CNTN5: variants seen among roughly 807,000 people sequenced by gnomAD.
CNTN5 encodes contactin 5, also known as contactin-5.
Under a neutral mutation model 129.1 loss-of-function variants are expected in CNTN5, and 77 were observed. The observed-to-expected ratio is 0.60, with a 90% CI of 0.50 to 0.72. The LOEUF (loss-of-function observed/expected upper bound fraction) is 0.72, where lower values mean the gene tolerates loss of function less well. Among genes scored for constraint, CNTN5 ranks in the 30% least tolerant of loss-of-function variants. CNTN5 has a pLI of 0.00. For missense variants in CNTN5, 1,478 were observed against 1,328.8 expected (o/e 1.11, Z -1.75); for synonymous variants, 509 against 465.6 (o/e 1.09, Z -1.20).
chr11:99,712,830 C>T (rs184762893), intron 3 of CNTN5, among the ~76,000 whole-genome samples: 192 of 151,722 alleles, frequency 1.3e-3, no homozygotes, highest in Non-Finnish European at 2.0e-3. Context: ...TCTGCTCCAT[C>T]GGTCTATATA....
At position 100,071,736 on chromosome 11, in the gene CNTN5, T is replaced by C. The variant is rs1591181042; in HGVS notation, c.1331T>C (p.Met444Thr). 1 of 1,597,198 alleles carries C rather than the reference T, an allele frequency of 6.3e-7. No individual in the cohort carries two copies. The change falls in exon 12 of 25, where the codon ATG becomes ACG. Residue 444 changes from methionine to threonine, a missense_variant. Physicochemically the swap from Met to Thr is moderately conservative, Grantham distance 81. Coordinates refer to ENST00000524871, the MANE Select transcript of CNTN5 (RefSeq NM_014361.4). ...SRVEMVNGVL[M>T]IHNVNQSDAG... ...GTTGAGATGGTTAATGGAGTATTGA[T>C]GATCCACAATGTGAATCAATCAGAT... is the stretch of plus-strand genomic sequence containing the variant.
intron 2 of CNTN5, among the ~76,000 whole-genome samples, chr11:99,337,720 C>G (rs970982610): frequency 6.6e-6 from 1 of 152,102 alleles, no homozygotes; most frequent in Non-Finnish European, 1.5e-5. Context: ...GGGGGGCTTG[C>G]TCCCAACAAA....
At chr11:99,404,250 A>T (rs1941968447) in intron 2 of CNTN5, among the ~76,000 whole-genome samples, 1 of 149,712 alleles carries the variant, frequency 6.7e-6, no homozygotes, top group Non-Finnish European at 1.5e-5. Flanking sequence ...GTGTGTATTT[A>T]TAAGTTAAGT....
chr11:99,449,568 G>A (rs938242119), intron 2 of CNTN5, among the ~76,000 whole-genome samples: 4 of 152,118 alleles, frequency 2.6e-5, no homozygotes, highest in African/African-American at 4.8e-5. Flanking sequence ...TTACTGCCTT[G>A]TAAAAATAAT....
chr11:100,315,424 T>A (rs1951556372), intron 21 of CNTN5, among the ~76,000 whole-genome samples: 1 of 152,162 alleles, frequency 6.6e-6, no homozygotes, highest in African/African-American at 2.4e-5. Context: ...TCATGGCAAT[T>A]AAGATGCTAA....
chr11:99,831,388 A>G (rs1947134270), intron 4 of CNTN5, among the ~76,000 whole-genome samples: 1 of 152,162 alleles, frequency 6.6e-6, no homozygotes, highest in Non-Finnish European at 1.5e-5. Context: ...GCAAAATTTC[A>G]TAGCTCAATT....
intron 2 of CNTN5, among the ~76,000 whole-genome samples, chr11:99,527,787 C>T (rs1233231137): frequency 1.3e-5 from 2 of 152,240 alleles, no homozygotes; most frequent in East Asian, 3.9e-4. Flanking sequence ...CTCACGAAGG[C>T]ATAAGGCAAA....
chr11:99,521,048 A>G (rs1360653919), intron 2 of CNTN5, among the ~76,000 whole-genome samples: 3 of 152,168 alleles, frequency 2.0e-5, no homozygotes, highest in African/African-American at 4.8e-5. Flanking sequence ...TATGATTAAA[A>G]TTTAGAAGAG....
At chr11:99,479,271 T>A (rs2135305359) in intron 2 of CNTN5, among the ~76,000 whole-genome samples, 1 of 151,918 alleles carries the variant, frequency 6.6e-6, no homozygotes, top group Non-Finnish European at 1.5e-5. Context: ...TCACACTTTT[T>A]TTTTTACTAT....
At chr11:100,195,170 T>G (rs1948603620) in intron 15 of CNTN5, among the ~76,000 whole-genome samples, 1 of 152,006 alleles carries the variant, frequency 6.6e-6, no homozygotes, top group Non-Finnish European at 1.5e-5. Context: ...AAATATCACA[T>G]TTTGATTAAA....
At chr11:99,233,956 A>C (rs1210694638) in intron 1 of CNTN5, among the ~76,000 whole-genome samples, 4 of 152,048 alleles carry the variant, frequency 2.6e-5, no homozygotes, top group Admixed American at 2.6e-4. Flanking sequence ...AAATAAATAA[A>C]TAAATAAATA....
intron 2 of CNTN5, among the ~76,000 whole-genome samples, chr11:99,401,427 C>A (rs1379120722): frequency 1.3e-5 from 2 of 152,012 alleles, no homozygotes; most frequent in Admixed American, 1.3e-4. Context: ...CTATTCTGTT[C>A]CATTGATGTA....
At chr11:99,333,422 C>T (rs1393956786) in intron 2 of CNTN5, among the ~76,000 whole-genome samples, 1 of 151,980 alleles carries the variant, frequency 6.6e-6, no homozygotes, top group East Asian at 1.9e-4. Context: ...TGGGGAAAAT[C>T]TGCAAGACTT....
chr11:100,178,498 G>A lies in CNTN5; in HGVS notation c.1581-12628G>A, dbSNP rs12805202. ...ACATAATTTTAACATTCTGCAATTC[G>A]CATGTGAACAATTAAATTGTTAGGA... On this transcript the variant is annotated intron_variant, in intron 13 of 24. Coordinates refer to ENST00000524871, the MANE Select transcript of CNTN5 (RefSeq NM_014361.4). Among the ~76,000 whole-genome samples, 738 of 152,164 alleles carry A rather than the reference G, an allele frequency of 4.9e-3. 2 individuals carry two copies. The highest frequency in any genetic ancestry group is 7.8e-3 in the Non-Finnish European group (532 of 68,008).
At chr11:100,191,757 C>T (rs73562459) in intron 14 of CNTN5, among the ~76,000 whole-genome samples, 6,263 of 151,838 alleles carry the variant, frequency 0.041, 435 homozygotes, top group African/African-American at 0.14. Flanking sequence ...TTTTATATGC[C>T]TTTATTTTAT....
chr11:99,684,627 A>G (rs1303926791), intron 3 of CNTN5, among the ~76,000 whole-genome samples: 2 of 151,898 alleles, frequency 1.3e-5, no homozygotes, highest in Non-Finnish European at 2.9e-5. Context: ...TAAAACTTTT[A>G]CATTCCCAGA....
At chr11:100,277,360 T>C (rs1353516047) in intron 18 of CNTN5, among the ~76,000 whole-genome samples, 1 of 152,156 alleles carries the variant, frequency 6.6e-6, no homozygotes, top group Non-Finnish European at 1.5e-5. Context: ...TGCTAGATCA[T>C]ATGGTAGCTC....
At chr11:99,333,080 G>C (rs1423559231) in intron 2 of CNTN5, among the ~76,000 whole-genome samples, 2 of 151,942 alleles carry the variant, frequency 1.3e-5, no homozygotes, top group Non-Finnish European at 2.9e-5. Flanking sequence ...CTTTTAAATT[G>C]CACATTGTGG....
At chr11:99,644,511 T>C (rs1951879711) in intron 3 of CNTN5, among the ~76,000 whole-genome samples, 1 of 152,190 alleles carries the variant, frequency 6.6e-6, no homozygotes. Flanking sequence ...GGCAAAACGA[T>C]GTTCTCACCA....
Sources: allele counts gnomAD v4.1 joint callset (sites outside exome capture counted in the v4.1 genomes callset), GRCh38; gene constraint gnomAD v4.1.1; transcripts MANE v1.5; gene names NCBI Gene and HGNC (gene_info 2026-07-23, HGNC 2026-07-21).